The following LCORL variants were observed in gnomAD, a reference collection of about 807,000 sequenced individuals.
The protein encoded by LCORL is ligand dependent nuclear receptor corepressor like.
LCORL carries 41 observed loss-of-function variants against 141.8 expected under a neutral mutation model. That is an observed-to-expected ratio of 0.29 (90% CI 0.23 to 0.38). The LOEUF (loss-of-function observed/expected upper bound fraction) is 0.38. Among genes scored for constraint, LCORL ranks in the 10% least tolerant of loss-of-function variants. LCORL has a pLI of 1.00. For missense variants in LCORL, 1,759 were observed against 2,035.0 expected (o/e 0.86, Z 2.61); for synonymous variants, 618 against 694.1 (o/e 0.89, Z 1.72).
chr4:17,989,821 G>T (rs1451591210), intron 1 of LCORL, among the ~76,000 whole-genome samples: 3 of 152,166 alleles, frequency 2.0e-5, no homozygotes, highest in African/African-American at 7.2e-5. Context: ...AGCCTGGTAT[G>T]ATGTGGCTGG....
At chr4:17,984,055 T>TA in intron 1 of LCORL, among the ~76,000 whole-genome samples, 1 of 152,332 alleles carries the variant, frequency 6.6e-6, no homozygotes, top group African/African-American at 2.4e-5. Flanking sequence ...GTTCTGTTTA[T>TA]ATGATGAATC....
intron 1 of LCORL, among the ~76,000 whole-genome samples, chr4:17,992,919 C>T (rs1720272267): frequency 6.6e-6 from 1 of 152,178 alleles, no homozygotes; most frequent in Non-Finnish European, 1.5e-5. Flanking sequence ...CAAAAAGTAA[C>T]AACACACAGA....
exon 8 of LCORL, chr4:17,844,778 C>G (rs913087090): frequency 2.0e-5 from 3 of 152,340 alleles, no homozygotes; most frequent in African/African-American, 4.8e-5. Context: ...GCCAGGCTAT[C>G]CAAAAAGAAA....
exon 8 of LCORL, chr4:17,843,154 TGAGA>T: frequency 1.2e-6 from 1 of 804,834 alleles, no homozygotes; most frequent in Non-Finnish European, 1.9e-6. Flanking sequence ...TTTTTGACAT[TGAGA>T]TTTTAGTTTT....
chr4:17,862,399 T>C (rs1725119435), intron 7 of LCORL, among the ~76,000 whole-genome samples: 1 of 152,164 alleles, frequency 6.6e-6, no homozygotes, highest in African/African-American at 2.4e-5. Context: ...GCTCCCATGA[T>C]TCAGTTACCT....
intron 6 of LCORL, chr4:17,882,060 G>A (rs17526868): frequency 2.0e-6 from 2 of 983,340 alleles, no homozygotes; most frequent in South Asian, 4.7e-5. Flanking sequence ...AGATCTCAGA[G>A]ACCAAATAAC....
intron 5 of LCORL, among the ~76,000 whole-genome samples, chr4:17,897,469 A>C (rs889853345): frequency 6.6e-6 from 1 of 151,660 alleles, no homozygotes; most frequent in African/African-American, 2.4e-5. Context: ...ACATTCTTCA[A>C]GAATTTTCTT....
intron 4 of LCORL, among the ~76,000 whole-genome samples, chr4:17,959,772 C>A (rs1713410217): frequency 6.6e-6 from 1 of 151,918 alleles, no homozygotes; most frequent in South Asian, 2.1e-4. Context: ...CATCCATATC[C>A]AGGATCCCTA....
intron 2 of LCORL, among the ~76,000 whole-genome samples, chr4:17,970,673 C>G (rs1715754285): frequency 1.3e-5 from 2 of 152,120 alleles, no homozygotes; most frequent in African/African-American, 4.8e-5. Flanking sequence ...AATGCCATAT[C>G]CTTGTCTTCA....
chr4:17,879,087 A>G (rs1456426503), intron 6 of LCORL, among the ~76,000 whole-genome samples: 2 of 151,172 alleles, frequency 1.3e-5, no homozygotes, highest in Non-Finnish European at 3.0e-5. Flanking sequence ...AGTTTATTAC[A>G]TTTGTTGTTT....
At chr4:17,850,447 C>A (rs541431600) in intron 7 of LCORL, among the ~76,000 whole-genome samples, 5 of 151,834 alleles carry the variant, frequency 3.3e-5, no homozygotes, top group African/African-American at 9.7e-5. Flanking sequence ...AAAAAACAAC[C>A]CCATCAAAAA....
chr4:17,861,362 C>T (rs1260163879), intron 7 of LCORL, among the ~76,000 whole-genome samples: 1 of 152,218 alleles, frequency 6.6e-6, no homozygotes, highest in Non-Finnish European at 1.5e-5. Context: ...CCCTCTGAAT[C>T]AACAGCCTGA....
At chr4:17,864,267 C>G (rs1272371300) in intron 7 of LCORL, among the ~76,000 whole-genome samples, 1 of 152,078 alleles carries the variant, frequency 6.6e-6, no homozygotes, top group East Asian at 1.9e-4. Context: ...TTCTGTTGCC[C>G]AGCCTGGAGT....
exon 8 of LCORL, chr4:17,845,840 G>A (rs1722864802): frequency 1.2e-6 from 2 of 1,613,526 alleles, no homozygotes; most frequent in African/African-American, 1.3e-5. Flanking sequence ...GGGCTCAAAG[G>A]GCAACTTGCT....
At chr4:17,939,459 C>G (rs1737465152) in intron 4 of LCORL, among the ~76,000 whole-genome samples, 1 of 152,096 alleles carries the variant, frequency 6.6e-6, no homozygotes, top group African/African-American at 2.4e-5. Flanking sequence ...CAATTCTACT[C>G]ATAGGTATTT....
At chr4:17,909,839 T>C (rs1181744953) in intron 4 of LCORL, among the ~76,000 whole-genome samples, 1 of 152,146 alleles carries the variant, frequency 6.6e-6, no homozygotes, top group Non-Finnish European at 1.5e-5. Context: ...CTGAATTTCA[T>C]CATCAAGGAT....
chr4:17,975,889 T>G (rs1201416545), intron 1 of LCORL, among the ~76,000 whole-genome samples: 1 of 152,208 alleles, frequency 6.6e-6, no homozygotes, highest in East Asian at 1.9e-4. Context: ...TTTAGCTGAT[T>G]GATAATGTTC....
intron 7 of LCORL, among the ~76,000 whole-genome samples, chr4:17,864,109 T>C (rs899003883): frequency 6.6e-6 from 1 of 152,110 alleles, no homozygotes; most frequent in Non-Finnish European, 1.5e-5. Context: ...ATGCTGCATA[T>C]GTACCCCTGA....
chr4:17,908,320 G>A (rs779052476), intron 5 of LCORL, among the ~76,000 whole-genome samples: 1 of 152,116 alleles, frequency 6.6e-6, no homozygotes, highest in African/African-American at 2.4e-5. Context: ...GCGTGAGCCA[G>A]CGCGCCTGGC....
Sources: gnomAD v4.1 joint callset for allele counts (sites outside exome capture counted in the v4.1 genomes callset) on GRCh38, gnomAD v4.1.1 for gene constraint, MANE v1.5 for transcripts, NCBI Gene and HGNC (gene_info 2026-07-23, HGNC 2026-07-21) for gene names.